The following DPYSL3 variants were observed in gnomAD, a reference collection of about 807,000 sequenced individuals.
DPYSL3 encodes dihydropyrimidinase like 3.
In DPYSL3, 16 loss-of-function variants were observed where a neutral mutation model predicts 66.1. The ratio of observed to expected loss-of-function variants is 0.24; its 90% CI spans 0.16 to 0.37. DPYSL3 has a LOEUF of 0.37. Among genes scored for constraint, DPYSL3 ranks in the 10% least tolerant of loss-of-function variants. DPYSL3 has a pLI of 1.00. For synonymous variants in DPYSL3, 338 were observed against 345.1 expected (o/e 0.98, Z 0.23); for missense variants, 738 against 916.2 (o/e 0.81, Z 2.51).
intron 11 of DPYSL3, among the ~76,000 whole-genome samples, chr5:147,398,297 T>C (rs6892646): frequency 0.46 from 69,661 of 152,070 alleles, 16,694 homozygotes; most frequent in African/African-American, 0.57. Flanking sequence ...ATTTACTCAA[T>C]CAGCAAGAGG....
chr5:147,443,280 C>T (rs1752568270), intron 1 of DPYSL3, among the ~76,000 whole-genome samples: 1 of 152,164 alleles, frequency 6.6e-6, no homozygotes, highest in South Asian at 2.1e-4. Flanking sequence ...TACATATACA[C>T]CATGGAATAC....
intron 1 of DPYSL3, among the ~76,000 whole-genome samples, chr5:147,437,830 T>C (rs879801263): frequency 6.6e-6 from 1 of 152,128 alleles, no homozygotes; most frequent in Non-Finnish European, 1.5e-5. Flanking sequence ...AATAATATCT[T>C]TTTCAAAGGA....
rs1469010117 is a variant in DPYSL3, at chr5:147,390,820, T to C, written c.*3215A>G. On this transcript the variant is annotated 3_prime_UTR_variant, in exon 14 of 14. Transcript: ENST00000343218. The stretch of plus-strand genomic sequence containing the variant: ...CTGGAGAACAATGTTGGTAATTTCA[T>C]AGTTATTTTAATAACCAGGTTTACA... The C allele has an allele frequency of 6.6e-6, 1 of 152,670 alleles. No individual in the cohort carries two copies. Among genetic ancestry groups the C allele is most frequent in the East Asian group, 1.9e-4 (1 of 5,204 alleles). The allele number at this position is 152,670 out of a possible 1,614,324, so 9.5% of individuals were successfully genotyped here.
intron 1 of DPYSL3, among the ~76,000 whole-genome samples, chr5:147,502,283 A>G (rs951427598): frequency 5.3e-5 from 8 of 152,106 alleles, no homozygotes; most frequent in African/African-American, 1.9e-4. Context: ...TTGGGGGTAC[A>G]CAAACCTTCA....
At chr5:147,494,049 C>A (rs543210367) in intron 1 of DPYSL3, among the ~76,000 whole-genome samples, 4 of 152,126 alleles carry the variant, frequency 2.6e-5, no homozygotes, top group African/African-American at 7.2e-5. Context: ...AAAAATTATC[C>A]TGGCGTGGTG....
intron 1 of DPYSL3, among the ~76,000 whole-genome samples, chr5:147,435,395 A>G (rs1198517672): frequency 6.6e-6 from 1 of 152,220 alleles, no homozygotes; most frequent in Non-Finnish European, 1.5e-5. Flanking sequence ...TATTGCATTG[A>G]TGAAGACATG....
chr5:147,403,142 T>A (rs746741536), intron 8 of DPYSL3, among the ~76,000 whole-genome samples: 25 of 152,152 alleles, frequency 1.6e-4, no homozygotes, highest in Non-Finnish European at 3.1e-4. Flanking sequence ...TCATGATTAA[T>A]TAGTAATGTC....
chr5:147,401,069 A>T (rs1758161467), intron 9 of DPYSL3, among the ~76,000 whole-genome samples: 1 of 152,202 alleles, frequency 6.6e-6, no homozygotes, highest in African/African-American at 2.4e-5. Context: ...AGCAAAATAA[A>T]ATGTACTCAA....
chr5:147,412,557 G>A (rs1751875300), intron 6 of DPYSL3, 51 bp downstream of exon 6: 7 of 1,550,354 alleles, frequency 4.5e-6, no homozygotes, highest in Non-Finnish European at 5.3e-6. Flanking sequence ...AAATGAAGAA[G>A]AAAATGGAAT....
intron 1 of DPYSL3, among the ~76,000 whole-genome samples, chr5:147,497,201 A>G (rs1291868989): frequency 1.4e-4 from 20 of 146,394 alleles, no homozygotes; most frequent in African/African-American, 4.7e-4. Flanking sequence ...ATTGAACAAT[A>G]AGAACACATG....
At chr5:147,413,241 A>T (rs1581179935) in intron 5 of DPYSL3, among the ~76,000 whole-genome samples, 1 of 152,160 alleles carries the variant, frequency 6.6e-6, no homozygotes, top group Non-Finnish European at 1.5e-5. Context: ...CAGTAGGATT[A>T]TTCCAATCAG....
Position 147,410,603 on chromosome 5 carries a change from G to A in DPYSL3, c.964-1807C>T, listed in dbSNP as rs147918503. ...GTCTTTTACATCTTCCCCGTCCAAG[G>A]CTTGGCGTATAGTAGATGCTCAACA... On this transcript the variant is annotated intron_variant, in intron 6 of 13. Transcript: ENST00000343218. 2.0e-5 allele frequency among the ~76,000 whole-genome samples: 3 copies of A among 152,240 alleles called. No homozygotes were observed. The East Asian group carries it at 5.8e-4, about 29-fold the overall frequency.
intron 6 of DPYSL3, among the ~76,000 whole-genome samples, chr5:147,409,413 C>T (rs79051397): frequency 0.019 from 2,829 of 152,274 alleles, 91 homozygotes; most frequent in African/African-American, 0.064. Flanking sequence ...ATAAGCCACT[C>T]AGGAGTTTTG....
intron 12 of DPYSL3, among the ~76,000 whole-genome samples, chr5:147,397,436 A>C (rs1380454359): frequency 1.3e-5 from 2 of 152,194 alleles, no homozygotes; most frequent in African/African-American, 4.8e-5. Flanking sequence ...AAAGTACTAT[A>C]AAAATGTGGG....
At chr5:147,428,736 C>T (rs1341149146) in intron 1 of DPYSL3, among the ~76,000 whole-genome samples, 4 of 132,176 alleles carry the variant, frequency 3.0e-5, no homozygotes, top group Non-Finnish European at 5.9e-5. Context: ...GAAAATCAAA[C>T]ACTACATACA....
intron 1 of DPYSL3, among the ~76,000 whole-genome samples, chr5:147,453,284 G>A (rs1752772562): frequency 6.6e-6 from 1 of 152,206 alleles, no homozygotes; most frequent in African/African-American, 2.4e-5. Flanking sequence ...AACTACCGGC[G>A]GTGGGAAGGG....
intron 1 of DPYSL3, among the ~76,000 whole-genome samples, chr5:147,425,669 C>G (rs1255013559): frequency 6.6e-6 from 1 of 152,024 alleles, no homozygotes; most frequent in Non-Finnish European, 1.5e-5. Context: ...AAAATAAAGC[C>G]TTTTTAAAAA....
Position 147,436,170 on chromosome 5 carries a change from G to A in DPYSL3, c.382-11207C>T, listed in dbSNP as rs190939028. Among the ~76,000 whole-genome samples, 6 of 152,326 alleles carry A rather than the reference G, an allele frequency of 3.9e-5. No individual in the cohort carries two copies. The East Asian group carries it at 9.6e-4, about 24-fold the overall frequency. ...AAACCAACTAAGGCACACCATACAC[G>A]GAGTATGGAGCAGGGTAGACAAAGG... is the stretch of plus-strand genomic sequence containing the variant. On this transcript the variant is annotated intron_variant, in intron 1 of 13. Transcript: ENST00000343218.
At chr5:147,470,702 TC>T (rs1753073853) in intron 1 of DPYSL3, among the ~76,000 whole-genome samples, 1 of 152,164 alleles carries the variant, frequency 6.6e-6, no homozygotes. Flanking sequence ...AACTAGGCGT[TC>T]CTTTCTCACA....
Sources: gnomAD v4.1 joint callset for allele counts (sites outside exome capture counted in the v4.1 genomes callset) on GRCh38, gnomAD v4.1.1 for gene constraint, MANE v1.5 for transcripts, NCBI Gene and HGNC (gene_info 2026-07-23, HGNC 2026-07-21) for gene names.